DDX20: variants seen among roughly 807,000 people sequenced by gnomAD.
The protein encoded by DDX20 is DEAD-box helicase 20.
In DDX20, 61 loss-of-function variants were observed where a neutral mutation model predicts 76.4. The observed-to-expected ratio is 0.80, with a 90% CI of 0.65 to 0.99. DDX20 has a LOEUF of 0.99. Ranked by LOEUF, DDX20 falls within the 50% of genes least tolerant of loss-of-function variation. The pLI, the probability that DDX20 is intolerant of heterozygous loss-of-function variation, is 0.00. For missense variants in DDX20, 976 were observed against 996.8 expected (o/e 0.98, Z 0.28); for synonymous variants, 357 against 357.4 (o/e 1.00, Z 0.01).
chr1:111,757,990 GATTACA>G (rs1361476524), intron 2 of DDX20, among the ~76,000 whole-genome samples: 2 of 152,172 alleles, frequency 1.3e-5, no homozygotes, highest in East Asian at 1.9e-4. Flanking sequence ...GAGTAGCTGG[GATTACA>G]AGTGTGCACA....
Position 111,759,530 on chromosome 1 carries a change from C to T in DDX20, c.527C>T (p.Thr176Ile), listed in dbSNP as rs1205961323. ...IGGTPLSQDK[T>I]RLKKCHIAVG... ...GGGACCCCATTATCACAAGACAAAA[C>T]CAGACTTAAAAAGTGTCATATTGCT... Residue 176 changes from threonine to isoleucine, a missense_variant, in exon 3 of 11, where the codon ACC becomes ATC. Coordinates refer to ENST00000369702, the MANE Select transcript of DDX20 (RefSeq NM_007204.5). The T allele has an allele frequency of 6.2e-7, 1 of 1,613,680 alleles. No homozygotes were observed. Among genetic ancestry groups the T allele is most frequent in the Non-Finnish European group, 8.5e-7 (1 of 1,179,876 alleles).
At chr1:111,758,354 C>CTTTTTTTTTTTTTTTTTTTTT (rs11291406) in intron 2 of DDX20, among the ~76,000 whole-genome samples, 1 of 132,732 alleles carries the variant, frequency 7.5e-6, no homozygotes, top group African/African-American at 2.8e-5. Flanking sequence ...TCTCCTAGTC[C>CTTTTTTTTTTTTTTTTTTTTT]TTTTTTTTTT....
Position 111,760,765 on chromosome 1 carries a change from C to A in DDX20, c.740C>A (p.Pro247His). 1 of 1,613,720 alleles carries A rather than the reference C, an allele frequency of 6.2e-7. No individual in the cohort carries two copies. The highest frequency in any genetic ancestry group is 1.1e-5 in the South Asian group (1 of 90,980). ...KQMLAVSATYPEFLANALTKY... is the reference protein window; with the variant it reads ...KQMLAVSATYHEFLANALTKY... ...ATGCTGGCAGTATCAGCTACTTATC[C>A]CGAATTTTTGGCTAATGCTTTGACA... Residue 247 changes from proline (P) to histidine (H), a missense_variant, in exon 5 of 11, where the codon CCC (proline) becomes CAC (histidine). By Grantham distance (77) the Pro-to-His change is moderately conservative. Transcript: ENST00000369702.
intron 10 of DDX20, among the ~76,000 whole-genome samples, chr1:111,764,957 A>G (rs986336812): frequency 4.6e-5 from 7 of 152,276 alleles, no homozygotes; most frequent in Non-Finnish European, 1.0e-4. Context: ...AAGAGACTTC[A>G]TTGAAGTATC....
chr1:111,762,192 G>T, intron 7 of DDX20, 63 bp from the exon 8 acceptor site: 2 of 1,336,302 alleles, frequency 1.5e-6, no homozygotes, highest in African/African-American at 1.5e-5. Flanking sequence ...TACTTTTTGT[G>T]GATTGGATAA....
Position 111,762,929 on chromosome 1 carries a change from T to C in DDX20, c.1234T>C (p.Tyr412His), listed in dbSNP as rs1663705274. 1.9e-6 allele frequency: 3 copies of C among 1,614,030 alleles called. No homozygotes were observed. Among genetic ancestry groups the C allele is most frequent in the Non-Finnish European group, 1.7e-6 (2 of 1,179,906 alleles). The change falls in exon 10 of 11, where the codon TAC becomes CAC. Residue 412 changes from tyrosine to histidine, a missense_variant. By Grantham distance (83) the Tyr-to-His change is moderately conservative. Around this residue, in one of 3 missense-constraint regions of DDX20, gnomAD observed 630 missense variants for 693.7 expected, o/e 0.91. Coordinates refer to ENST00000369702, the MANE Select transcript of DDX20 (RefSeq NM_007204.5). ...AGGTACATTGGGGCTGACAGTGACC[T>C]ACTGTTGCCGGGGAGAGGAAGAAAA... The part of the protein sequence containing the change: ...RFGTLGLTVT[Y>H]CCRGEEENMM...
At position 111,756,237 on chromosome 1, in the gene DDX20, G is replaced by A; in HGVS notation, c.301+12G>A. 7.1e-7 allele frequency: 1 copy of A among 1,410,006 alleles called. No individual in the cohort carries two copies. The highest frequency in any genetic ancestry group is 1.5e-5 in the South Asian group (1 of 66,506). The allele number at this position is 1,410,006 out of a possible 1,614,324, so 87.3% of individuals were successfully genotyped here. ...GCGCTGCGGGCTCGGTGAGAGCGGG[G>A]GCCCGGGATAGGTCGGGGGGTGGGG... On this transcript the variant is annotated intron_variant, in intron 1 of 10. Coordinates refer to ENST00000369702, the MANE Select transcript of DDX20 (RefSeq NM_007204.5).
In DDX20 at chr1:111,763,008, G is replaced by A. The variant is rs765643960; in HGVS notation, c.1312+1G>A. On this transcript the variant is annotated splice_donor_variant, in intron 10 of 10. Coordinates refer to ENST00000369702, the MANE Select transcript of DDX20 (RefSeq NM_007204.5). LOFTEE classifies it high-confidence loss of function. ...AATATCAACCTTCTCCCTTTACCAG[G>A]TACATTTCATCTGTTTCATTATTTC... 14 of 1,598,756 alleles carry A rather than the reference G, an allele frequency of 8.8e-6. No individual in the cohort carries two copies. The South Asian group carries it at 1.5e-4, about 18-fold the overall frequency.
chr1:111,761,975 T>A (rs1399187640), intron 7 of DDX20: 5 of 273,260 alleles, frequency 1.8e-5, no homozygotes, highest in African/African-American at 1.1e-4. Flanking sequence ...TTGCTAGTTA[T>A]ACTTCATATG....
chr1:111,762,208 T>C, intron 7 of DDX20, 47 bp from the exon 8 acceptor site: 6 of 1,476,832 alleles, frequency 4.1e-6, no homozygotes, highest in Non-Finnish European at 5.6e-6. Context: ...GATAAATATG[T>C]ATTAGCTTAG....
In DDX20 at chr1:111,767,598, G is replaced by C. The variant is rs946065950; in HGVS notation, c.*699G>C. 2.0e-5 allele frequency: 3 copies of C among 152,120 alleles called. No homozygotes were observed. Among genetic ancestry groups the C allele is most frequent in the South Asian group, 2.1e-4 (1 of 4,830 alleles). 9.4% of individuals were successfully genotyped at this position (152,120 alleles called of 1,614,324 possible). A position where few individuals can be genotyped will look rare whatever the true frequency, so the allele number is the denominator to read the frequency against. Reference sequence around the variant, plus strand: ...CATCAGTTGCTGTCTTACTTGTGTTGCTCAGATAGAGGAGCAGCTCTTAAT... The same window carrying C: ...CATCAGTTGCTGTCTTACTTGTGTTCCTCAGATAGAGGAGCAGCTCTTAAT... On this transcript the variant is annotated 3_prime_UTR_variant, in exon 11 of 11. Coordinates refer to ENST00000369702, the MANE Select transcript of DDX20 (RefSeq NM_007204.5).
At position 111,758,427 on chromosome 1, in the gene DDX20, T is replaced by C. The variant is rs1663608966; in HGVS notation, c.397-973T>C. Among the ~76,000 whole-genome samples, 3 of 150,126 alleles carry C rather than the reference T, an allele frequency of 2.0e-5. No individual in the cohort carries two copies. The South Asian group carries it at 6.5e-4, about 32-fold the overall frequency. ...AGCACAAAGTTTTGTTTTCTCCTCC[T>C]CCAGTAGTTACATTGCAAAGTTTTT... On this transcript the variant is annotated intron_variant, in intron 2 of 10. Transcript: ENST00000369702.
intron 2 of DDX20, 58 bp from the exon 3 acceptor site, chr1:111,759,342 C>A: frequency 1.6e-6 from 2 of 1,269,404 alleles, no homozygotes; most frequent in Non-Finnish European, 1.1e-6. Context: ...ATGAATATAC[C>A]AGTCCCCTAT....
chr1:111,764,612 T>C (rs745875007), intron 10 of DDX20, among the ~76,000 whole-genome samples: 4 of 152,170 alleles, frequency 2.6e-5, no homozygotes, highest in Non-Finnish European at 2.9e-5. Flanking sequence ...TAGTCTGATA[T>C]GGGAAAAAAA....
At chr1:111,762,413 A>G (rs957093684) in intron 8 of DDX20, 76 bp downstream of exon 8, 2 of 1,224,982 alleles carry the variant, frequency 1.6e-6, no homozygotes, top group Non-Finnish European at 2.4e-6. Flanking sequence ...GATTTCATAT[A>G]TTATTTTATG....
At chr1:111,762,391 A>T in intron 8 of DDX20, 54 bp downstream of exon 8, 1 of 1,361,368 alleles carries the variant, frequency 7.3e-7, no homozygotes, top group Non-Finnish European at 1.0e-6. Flanking sequence ...ATGTTCTATT[A>T]TCAGATGTAC....
chr1:111,766,048 T>A lies in DDX20; in HGVS notation c.1624T>A (p.Ser542Thr). ...SPKELGCDRQ[S>T]EEQMKNSVQT... ...AAAAGAACTGGGCTGTGACAGGCAA[T>A]CCGAAGAGCAAATGAAGAATTCTGT... Residue 542 changes from serine to threonine, a missense_variant, in exon 11 of 11, where the codon TCC (serine) becomes ACC (threonine). Transcript: ENST00000369702. The A allele has an allele frequency of 6.2e-7, 1 of 1,614,096 alleles. No individual in the cohort carries two copies. The highest frequency in any genetic ancestry group is 1.1e-5 in the South Asian group (1 of 91,070).
At chr1:111,758,745 A>AT (rs550213977) in intron 2 of DDX20, among the ~76,000 whole-genome samples, 3 of 151,748 alleles carry the variant, frequency 2.0e-5, no homozygotes, top group South Asian at 2.1e-4. Flanking sequence ...TCCTTGTTTG[A>AT]TTTTTTTATG....
At chr1:111,759,158 G>T (rs1405075218) in intron 2 of DDX20, among the ~76,000 whole-genome samples, 2 of 152,174 alleles carry the variant, frequency 1.3e-5, no homozygotes, top group Non-Finnish European at 2.9e-5. Context: ...ATGTACACAG[G>T]TAATATACAG....
Sources: allele counts gnomAD v4.1 joint callset (sites outside exome capture counted in the v4.1 genomes callset), GRCh38; gene constraint gnomAD v4.1.1; regional missense constraint gnomAD v4.1.1; transcripts MANE v1.5; gene names NCBI Gene and HGNC (gene_info 2026-07-23, HGNC 2026-07-21).